The following DENND1A variants were observed in gnomAD, a reference collection of about 807,000 sequenced individuals.
DENND1A encodes DENN domain-containing protein 1A.
A neutral mutation model predicts 113.7 loss-of-function variants in DENND1A; 51 were observed. That is an observed-to-expected ratio of 0.45 (90% CI 0.36 to 0.57). The LOEUF (loss-of-function observed/expected upper bound fraction) is 0.57, where lower values mean the gene tolerates loss of function less well. Among genes scored for constraint, DENND1A ranks in the 20% least tolerant of loss-of-function variants. The pLI is 0.00. For synonymous variants in DENND1A, 565 were observed against 570.8 expected, an observed-to-expected ratio of 0.99 and a Z score of 0.14; for missense variants, 1,258 against 1,395.9, an observed-to-expected ratio of 0.90 and a Z score of 1.57.
At chr9:123,887,157 T>A (rs2133703835) in intron 1 of DENND1A, among the ~76,000 whole-genome samples, 1 of 152,286 alleles carries the variant, frequency 6.6e-6, no homozygotes, top group South Asian at 2.1e-4. Flanking sequence ...GTGATATTTA[T>A]CTCATTATCA....
intron 18 of DENND1A, among the ~76,000 whole-genome samples, chr9:123,444,878 T>C (rs1000978906): frequency 2.6e-5 from 4 of 152,180 alleles, no homozygotes; most frequent in African/African-American, 9.7e-5. Context: ...GGGTTAAACC[T>C]GCTTCTTCCC....
At chr9:123,665,640 G>T (rs1455176851) in intron 8 of DENND1A, among the ~76,000 whole-genome samples, 2 of 152,130 alleles carry the variant, frequency 1.3e-5, no homozygotes, top group African/African-American at 2.4e-5. Flanking sequence ...ATCTACAATA[G>T]TTATGAAAAG....
intron 1 of DENND1A, among the ~76,000 whole-genome samples, chr9:123,926,541 T>C (rs1857123658): frequency 8.4e-6 from 1 of 119,658 alleles, no homozygotes; most frequent in Non-Finnish European, 1.6e-5. Context: ...CACTCCAGCC[T>C]GGGCAACAAG....
At chr9:123,923,207 T>C (rs944537686) in intron 1 of DENND1A, among the ~76,000 whole-genome samples, 9 of 152,256 alleles carry the variant, frequency 5.9e-5, no homozygotes, top group Non-Finnish European at 1.3e-4. Flanking sequence ...TGTTTCAACC[T>C]TCCTATCTGC....
At chr9:123,636,969 C>G (rs761924135) in intron 9 of DENND1A, among the ~76,000 whole-genome samples, 79 of 152,190 alleles carry the variant, frequency 5.2e-4, no homozygotes, top group Non-Finnish European at 1.1e-3. Context: ...GGATTATAGG[C>G]GTGAGCCACC....
chr9:123,575,407 T>A (rs997715162), intron 12 of DENND1A, among the ~76,000 whole-genome samples: 11 of 152,144 alleles, frequency 7.2e-5, no homozygotes, highest in African/African-American at 2.7e-4. Context: ...CTGGCACCAA[T>A]CCACAGCCCA....
At chr9:123,884,823 G>C (rs1452431338) in intron 1 of DENND1A, among the ~76,000 whole-genome samples, 1 of 152,054 alleles carries the variant, frequency 6.6e-6, no homozygotes, top group Non-Finnish European at 1.5e-5. Flanking sequence ...AATCAGCATG[G>C]AACTAACTCC....
chr9:123,614,354 C>A (rs561396791), intron 10 of DENND1A, among the ~76,000 whole-genome samples: 1 of 152,170 alleles, frequency 6.6e-6, no homozygotes, highest in Admixed American at 6.5e-5. Context: ...TGATGCTGAG[C>A]GCTTCTCTGA....
chr9:123,706,770 C>CAAAAAAA, intron 5 of DENND1A, among the ~76,000 whole-genome samples: 1 of 53,542 alleles, frequency 1.9e-5, no homozygotes, highest in Non-Finnish European at 3.6e-5. Context: ...GACTCCGTCT[C>CAAAAAAA]AAAAAAAAAA....
At chr9:123,496,244 G>T (rs2051905211) in intron 13 of DENND1A, among the ~76,000 whole-genome samples, 4 of 152,188 alleles carry the variant, frequency 2.6e-5, no homozygotes, top group Admixed American at 6.5e-5. Flanking sequence ...GTTCAAAGGT[G>T]CAAAGGTAAG....
intron 13 of DENND1A, among the ~76,000 whole-genome samples, chr9:123,542,462 A>C (rs890064110): frequency 1.3e-5 from 2 of 152,076 alleles, no homozygotes; most frequent in African/African-American, 4.8e-5. Context: ...AGCGATCACC[A>C]AATAGCCTTA....
intron 8 of DENND1A, among the ~76,000 whole-genome samples, chr9:123,662,539 A>G (rs2063295169): frequency 6.6e-6 from 1 of 152,150 alleles, no homozygotes; most frequent in Non-Finnish European, 1.5e-5. Flanking sequence ...CTCCAGCCTG[A>G]ATGACAGAGC....
At chr9:123,501,171 C>T (rs1038577235) in intron 13 of DENND1A, among the ~76,000 whole-genome samples, 6 of 152,216 alleles carry the variant, frequency 3.9e-5, no homozygotes, top group Admixed American at 2.0e-4. Flanking sequence ...CTACGTTCCT[C>T]GTACAAGTAG....
chr9:123,883,559 G>A (rs958972693), intron 1 of DENND1A, among the ~76,000 whole-genome samples: 6 of 152,076 alleles, frequency 3.9e-5, no homozygotes, highest in African/African-American at 1.4e-4. Context: ...TGATGCTGCT[G>A]GACCCGTGAC....
chr9:123,825,099 T>C (rs1839094594), intron 2 of DENND1A, among the ~76,000 whole-genome samples: 1 of 152,054 alleles, frequency 6.6e-6, no homozygotes, highest in African/African-American at 2.4e-5. Flanking sequence ...CCATTAGTCA[T>C]GAAACACCAA....
chr9:123,675,452 CCA>C (rs1381872235), intron 6 of DENND1A, among the ~76,000 whole-genome samples: 2 of 152,134 alleles, frequency 1.3e-5, no homozygotes. Flanking sequence ...TCCCTGGACC[CCA>C]GTGTGGCTGA....
In DENND1A at chr9:123,870,978, G is replaced by C. The variant is rs941908161; in HGVS notation, c.88+7973C>G. ...CATTATTACTGAAAAAAAATAAGAT[G>C]AATTTAATTAATATCTCTCTAGAAC... On this transcript the variant is annotated intron_variant, in intron 2 of 23. Transcript: ENST00000394215. Among the ~76,000 whole-genome samples, 3 of 151,932 alleles carry C rather than the reference G, an allele frequency of 2.0e-5. No individual in the cohort carries two copies. The South Asian group carries it at 6.2e-4, about 31-fold the overall frequency.
chr9:123,711,235 C>A (rs996799676), intron 5 of DENND1A, among the ~76,000 whole-genome samples: 2 of 151,344 alleles, frequency 1.3e-5, no homozygotes, highest in Non-Finnish European at 2.9e-5. Flanking sequence ...GAGGCTGAGG[C>A]GAGTGGATCA....
intron 2 of DENND1A, among the ~76,000 whole-genome samples, chr9:123,844,231 T>C (rs1842249459): frequency 6.6e-6 from 1 of 152,172 alleles, no homozygotes; most frequent in East Asian, 1.9e-4. Context: ...TAATTAGGTA[T>C]GAAAAAGAAA....
Sources: allele counts gnomAD v4.1 joint callset (sites outside exome capture counted in the v4.1 genomes callset), GRCh38; gene constraint gnomAD v4.1.1; transcripts MANE v1.5; gene names NCBI Gene and HGNC (gene_info 2026-07-23, HGNC 2026-07-21).